The following SPTLC3 variants were observed in gnomAD, a reference collection of about 807,000 sequenced individuals.
SPTLC3 encodes serine palmitoyltransferase 3.
SPTLC3 carries 36 observed loss-of-function variants against 59.3 expected under a neutral mutation model. The ratio of observed to expected loss-of-function variants is 0.61; its 90% CI spans 0.47 to 0.80. The LOEUF (loss-of-function observed/expected upper bound fraction) is 0.80. Ranked by LOEUF, SPTLC3 falls within the 30% of genes least tolerant of loss-of-function variation. SPTLC3 has a pLI of 0.00. For missense variants in SPTLC3, 625 were observed against 685.1 expected (o/e 0.91, Z 0.98); for synonymous variants, 257 against 240.8 (o/e 1.07, Z -0.62).
chr20:13,104,735 C>G (rs73898440), intron 6 of SPTLC3, among the ~76,000 whole-genome samples: 1 of 152,226 alleles, frequency 6.6e-6, no homozygotes, highest in African/African-American at 2.4e-5. Context: ...GACTCAAGAA[C>G]CACACTGTAC....
chr20:13,136,742 TA>T (rs1255705420), intron 9 of SPTLC3, among the ~76,000 whole-genome samples: 2 of 147,906 alleles, frequency 1.4e-5, no homozygotes, highest in Non-Finnish European at 3.0e-5. Context: ...GTTATATATA[TA>T]ATATATAGGG....
chr20:13,058,817 C>A (rs530014218), intron 2 of SPTLC3, among the ~76,000 whole-genome samples: 1 of 152,330 alleles, frequency 6.6e-6, no homozygotes, highest in South Asian at 2.1e-4. Flanking sequence ...ACATGTTGAT[C>A]CTTCCGTAAC....
chr20:13,072,442 A>C (rs1308319426), intron 3 of SPTLC3, 32 bp downstream of exon 3: 1 of 1,524,340 alleles, frequency 6.6e-7, no homozygotes, highest in Non-Finnish European at 8.8e-7. Context: ...GATTGGTGAA[A>C]AGAAAAACCT....
intron 7 of SPTLC3, 151 bp from the exon 8 acceptor site, chr20:13,117,355 G>A: frequency 4.5e-6 from 3 of 659,964 alleles, no homozygotes; most frequent in Non-Finnish European, 2.4e-6. Flanking sequence ...TTACAAGATT[G>A]AAAGGGTTGT....
chr20:13,144,443 A>G (rs2038458369), intron 9 of SPTLC3, among the ~76,000 whole-genome samples: 1 of 152,194 alleles, frequency 6.6e-6, no homozygotes, highest in Admixed American at 6.5e-5. Context: ...TATCATCCCC[A>G]TTTAACAGAT....
chr20:13,154,118 T>C lies in SPTLC3; in HGVS notation c.1395T>C (p.Leu465=). ...NENASVVPLL[L]YMPGKVAAFA... is the part of the protein sequence containing the mutation. ...ATGCTTCTGTTGTTCCTCTGCTTCT[T>C]TATATGCCTGGTAAAGTAGCGTAAG... The change falls in exon 10 of 12, where the codon CTT becomes CTC. Residue 465 remains leucine (L), a synonymous_variant. Coordinates refer to ENST00000399002, the MANE Select transcript of SPTLC3 (RefSeq NM_018327.4). 4 of 1,614,150 alleles carry C rather than the reference T, an allele frequency of 2.5e-6. No individual in the cohort carries two copies. Among genetic ancestry groups the C allele is most frequent in the Non-Finnish European group, 3.4e-6 (4 of 1,179,996 alleles).
intron 10 of SPTLC3, among the ~76,000 whole-genome samples, chr20:13,159,793 T>C (rs1245576083): frequency 6.6e-6 from 1 of 152,102 alleles, no homozygotes; most frequent in African/African-American, 2.4e-5. Context: ...ACACACACCA[T>C]CATGAGTGGC....
chr20:13,103,039 C>T (rs1440709263), intron 6 of SPTLC3, among the ~76,000 whole-genome samples: 1 of 152,164 alleles, frequency 6.6e-6, no homozygotes, highest in East Asian at 1.9e-4. Context: ...CTTTCAACTG[C>T]CTAAGGCTGT....
chr20:13,119,441 C>T (rs1216705568), intron 8 of SPTLC3, among the ~76,000 whole-genome samples: 2 of 152,154 alleles, frequency 1.3e-5, no homozygotes, highest in Non-Finnish European at 2.9e-5. Flanking sequence ...AAGATGTAGG[C>T]GTTCTTGTCC....
chr20:13,099,542 C>A (rs1489140623), intron 6 of SPTLC3, among the ~76,000 whole-genome samples: 2 of 152,220 alleles, frequency 1.3e-5, no homozygotes, highest in East Asian at 3.8e-4. Context: ...ATGTTTAATA[C>A]AACTTTGAAA....
intron 1 of SPTLC3, among the ~76,000 whole-genome samples, chr20:13,016,370 T>C (rs1230140829): frequency 6.6e-6 from 1 of 152,206 alleles, no homozygotes; most frequent in Non-Finnish European, 1.5e-5. Flanking sequence ...AAATCAATTG[T>C]TGATGGGTGC....
chr20:13,079,131 A>T (rs187137670), intron 4 of SPTLC3, among the ~76,000 whole-genome samples: 11 of 152,214 alleles, frequency 7.2e-5, no homozygotes, highest in African/African-American at 2.6e-4. Context: ...AGACATTTAT[A>T]AAAAAAGACG....
rs910634797 is a variant in SPTLC3 at position 13,052,163 on chromosome 20, C to T, written c.303+3033C>T. Reference sequence around the variant, plus strand: ...AGGCATTTGATTTCTGCATTTCCAACTGAGGTACGGGGCTCATCTCACTGG... The same window carrying T: ...AGGCATTTGATTTCTGCATTTCCAATTGAGGTACGGGGCTCATCTCACTGG... On this transcript the variant is annotated intron_variant, in intron 2 of 11. Coordinates refer to ENST00000399002, the MANE Select transcript of SPTLC3 (RefSeq NM_018327.4). 7.2e-5 allele frequency among the ~76,000 whole-genome samples: 11 copies of T among 152,218 alleles called. No homozygotes were observed. In the East Asian group the frequency reaches 1.4e-3, roughly 19 times the overall value.
intron 1 of SPTLC3, among the ~76,000 whole-genome samples, chr20:13,046,110 G>A (rs1987220148): frequency 6.6e-6 from 1 of 152,148 alleles, no homozygotes; most frequent in Non-Finnish European, 1.5e-5. Context: ...CCCACACTGG[G>A]TTCCCTTTAT....
At chr20:13,044,287 A>C (rs777702382) in intron 1 of SPTLC3, among the ~76,000 whole-genome samples, 1 of 151,910 alleles carries the variant, frequency 6.6e-6, no homozygotes, top group Non-Finnish European at 1.5e-5. Context: ...TTTTTAGTAG[A>C]GACAGAGTTT....
chr20:13,052,178 C>T (rs952298041), intron 2 of SPTLC3, among the ~76,000 whole-genome samples: 6 of 152,100 alleles, frequency 3.9e-5, no homozygotes, highest in African/African-American at 1.2e-4. Flanking sequence ...GTACGGGGCT[C>T]ATCTCACTGG....
intron 2 of SPTLC3, among the ~76,000 whole-genome samples, chr20:13,061,649 T>C (rs540071713): frequency 4.6e-5 from 7 of 152,314 alleles, no homozygotes; most frequent in African/African-American, 1.7e-4. Flanking sequence ...CAGCTTTGAC[T>C]CAGCTCTTTC....
At chr20:13,091,326 G>A in intron 5 of SPTLC3, 119 bp downstream of exon 5, 1 of 1,317,358 alleles carries the variant, frequency 7.6e-7, no homozygotes, top group African/African-American at 1.5e-5. Flanking sequence ...TGTAATCCTA[G>A]CACTTTGGGA....
chr20:13,144,814 G>A lies in SPTLC3; in HGVS notation c.1280-9189G>A, dbSNP rs113529885. Among the ~76,000 whole-genome samples, 645 of 152,034 alleles carry A rather than the reference G, an allele frequency of 4.2e-3. 3 individuals carry two copies. Among genetic ancestry groups the A allele is most frequent in the African/African-American group, 0.015 (605 of 41,472 alleles). Reference sequence around the variant, plus strand: ...TTTTGAGACGGAGTCTCGCTCTGTCGCCCAGGCTGGAGTGCAGTGGCGCAA... The same window carrying A: ...TTTTGAGACGGAGTCTCGCTCTGTCACCCAGGCTGGAGTGCAGTGGCGCAA... On this transcript the variant is annotated intron_variant, in intron 9 of 11. Transcript: ENST00000399002.
Sources: gnomAD v4.1 joint callset for allele counts (sites outside exome capture counted in the v4.1 genomes callset) on GRCh38, gnomAD v4.1.1 for gene constraint, MANE v1.5 for transcripts, NCBI Gene and HGNC (gene_info 2026-07-23, HGNC 2026-07-21) for gene names.